The following CLEC19A variants were observed in gnomAD, a reference collection of about 807,000 sequenced individuals.
CLEC19A encodes C-type lectin domain family 19 member A.
CLEC19A carries 21 observed loss-of-function variants against 26.1 expected under a neutral mutation model. The observed-to-expected ratio is 0.80, with a 90% CI of 0.57 to 1.16. CLEC19A has a LOEUF of 1.16. Among genes scored for constraint, CLEC19A ranks in the 50% most tolerant of loss-of-function variants. The pLI is 0.00. For synonymous variants in CLEC19A, 89 were observed against 88.6 expected, an observed-to-expected ratio of 1.00 and a Z score of -0.03; for missense variants, 224 against 227.6, an observed-to-expected ratio of 0.98 and a Z score of 0.10.
In CLEC19A at chr16:19,309,384, C is replaced by T. The variant is rs1049171256; in HGVS notation, c.*301C>T. 1 of 282,476 alleles carries T rather than the reference C, an allele frequency of 3.5e-6. No homozygotes were observed. The highest frequency in any genetic ancestry group is 5.1e-5 in the Admixed American group (1 of 19,752). The allele number at this position is 282,476 out of a possible 1,614,324, so 17.5% of individuals were successfully genotyped here. A position where few individuals can be genotyped will look rare whatever the true frequency, so the allele number is the denominator to read the frequency against. On this transcript the variant is annotated 3_prime_UTR_variant, in exon 5 of 5. Coordinates refer to ENST00000636231, the MANE Select transcript of CLEC19A (RefSeq NM_001256720.2). ...ACTGGCCTGGCTCGGGTCACGTGCC[C>T]ATCCCTGAAGCAATCACTTTGGCAT...
rs929025438 is a variant in CLEC19A, at chr16:19,286,005, G to A, written c.88+66G>A. ...TACACTCTCAGGAACTTATTCTATC[G>A]GTGAGGCCTGGCAGCTTCTGTTGGG... is the stretch of plus-strand genomic sequence containing the variant. On this transcript the variant is annotated intron_variant, in intron 1 of 4. Transcript: ENST00000636231. 118 of 1,456,242 alleles carry A rather than the reference G, an allele frequency of 8.1e-5. No individual in the cohort carries two copies. The South Asian group carries it at 1.0e-3, about 13-fold the overall frequency. The allele number at this position is 1,456,242 out of a possible 1,614,324, so 90.2% of individuals were successfully genotyped here.
chr16:19,305,992 C>T (rs966539230), intron 3 of CLEC19A, among the ~76,000 whole-genome samples: 17 of 151,576 alleles, frequency 1.1e-4, no homozygotes, highest in Admixed American at 5.3e-4. Context: ...TACAGGAAGC[C>T]GCCACCATGC....
At chr16:19,286,778 G>A (rs183672520) in intron 1 of CLEC19A, among the ~76,000 whole-genome samples, 202 of 152,102 alleles carry the variant, frequency 1.3e-3, no homozygotes, top group South Asian at 2.1e-3. Flanking sequence ...TTAAATCCCC[G>A]TTCAAGTAAA....
chr16:19,290,964 G>T (rs983624727), intron 1 of CLEC19A, among the ~76,000 whole-genome samples: 2 of 152,076 alleles, frequency 1.3e-5, no homozygotes, highest in Admixed American at 1.3e-4. Context: ...TCAGTCTCTT[G>T]AGTAGCTGGG....
chr16:19,294,129 T>C lies in CLEC19A; in HGVS notation c.89-4544T>C, dbSNP rs147280899. On this transcript the variant is annotated intron_variant, in intron 1 of 4. Coordinates refer to ENST00000636231, the MANE Select transcript of CLEC19A (RefSeq NM_001256720.2). ...CTGACAACTTTTCTGTAAGTCTAAA[T>C]TTATTCCAAAATAAAAAGTTTATTT... is the stretch of plus-strand genomic sequence containing the variant. Among the ~76,000 whole-genome samples, 73 of 150,562 alleles carry C rather than the reference T, an allele frequency of 4.8e-4. No homozygotes were observed. The East Asian group carries it at 0.013, about 26-fold the overall frequency.
rs879874811 is a variant in CLEC19A at position 19,304,145 on chromosome 16, A to C, written c.338A>C (p.Asp113Ala). ...IPADVWTGLH[D>A]HRQEGQFEWT... ...GCTGACGTCTGGACAGGCCTTCATG[A>C]TCACAGACAGGTGAGAAAGCAGTGG... is the stretch of plus-strand genomic sequence containing the variant. The change falls in exon 3 of 5, where the codon GAT (aspartate) becomes GCT (alanine). Residue 113 changes from aspartate to alanine, a missense_variant. Asp to Ala is a moderately radical substitution (Grantham distance 126). Coordinates refer to ENST00000636231, the MANE Select transcript of CLEC19A (RefSeq NM_001256720.2). The C allele has an allele frequency of 6.4e-7, 1 of 1,550,590 alleles. No individual in the cohort carries two copies. The highest frequency in any genetic ancestry group is 8.7e-7 in the Non-Finnish European group (1 of 1,146,934).
chr16:19,307,733 G>T, intron 4 of CLEC19A, 56 bp downstream of exon 4: 6 of 1,540,928 alleles, frequency 3.9e-6, no homozygotes, highest in Admixed American at 2.0e-5. Context: ...TGTCACAGGT[G>T]GGGAGAGCGG....
chr16:19,301,736 GTTTTTTTTTTTTT>G (rs1171248968), intron 2 of CLEC19A, among the ~76,000 whole-genome samples: 4 of 81,498 alleles, frequency 4.9e-5, no homozygotes, highest in Non-Finnish European at 6.9e-5. Flanking sequence ...GGTTTTTTTG[GTTTTTTTTTTTTT>G]TTTTTTTTTT....
At chr16:19,296,926 G>A (rs1897716612) in intron 1 of CLEC19A, among the ~76,000 whole-genome samples, 1 of 152,126 alleles carries the variant, frequency 6.6e-6, no homozygotes, top group African/African-American at 2.4e-5. Flanking sequence ...CTCACGGCAG[G>A]TCAGATACAG....
At chr16:19,291,289 G>C (rs1351803989) in intron 1 of CLEC19A, among the ~76,000 whole-genome samples, 1 of 152,186 alleles carries the variant, frequency 6.6e-6, no homozygotes, top group African/African-American at 2.4e-5. Flanking sequence ...TTGTTGAATG[G>C]ATAAAGGAAT....
intron 1 of CLEC19A, among the ~76,000 whole-genome samples, chr16:19,294,854 A>G (rs1245279635): frequency 7.6e-6 from 1 of 131,776 alleles, no homozygotes; most frequent in African/African-American, 2.5e-5. Context: ...GTTTGCTGTG[A>G]TGTTTTGTGT....
rs1362403893 is a variant in CLEC19A, at chr16:19,310,223, C to A, written c.*1140C>A. Reference sequence around the variant, plus strand: ...GTGGCTCATGCCTGTAATCCCAGCACTTTGGGAAGCTGAGGAGAGAGGATC... The same window carrying A: ...GTGGCTCATGCCTGTAATCCCAGCAATTTGGGAAGCTGAGGAGAGAGGATC... On this transcript the variant is annotated 3_prime_UTR_variant, in exon 5 of 5. Coordinates refer to ENST00000636231, the MANE Select transcript of CLEC19A (RefSeq NM_001256720.2). 6.6e-6 allele frequency: 1 copy of A among 152,048 alleles called. No homozygotes were observed. The highest frequency in any genetic ancestry group is 2.4e-5 in the African/African-American group (1 of 41,398). The allele number at this position is 152,048 out of a possible 1,614,324, so 9.4% of individuals were successfully genotyped here. A position where few individuals can be genotyped will look rare whatever the true frequency, so the allele number is the denominator to read the frequency against.
At position 19,301,735 on chromosome 16, in the gene CLEC19A, G is replaced by GTTTTTTTTTTTTTTTTT. The variant is rs750529291; in HGVS notation, c.255-2327_255-2326insTTTTTTTTTTTTTTTTT. The stretch of plus-strand genomic sequence containing the variant: ...CATGACACCATGCCCAGGTTTTTTT[G>GTTTTTTTTTTTTTTTTT]GTTTTTTTTTTTTTTTTTTTTTTTT... On this transcript the variant is annotated intron_variant, in intron 2 of 4. Coordinates refer to ENST00000636231, the MANE Select transcript of CLEC19A (RefSeq NM_001256720.2). 5.4e-4 allele frequency among the ~76,000 whole-genome samples: 19 copies of GTTTTTTTTTTTTTTTTT among 35,130 alleles called. 2 individuals carry two copies. Among genetic ancestry groups the GTTTTTTTTTTTTTTTTT allele is most frequent in the Non-Finnish European group, 6.7e-4 (13 of 19,444 alleles). The allele number at this position is 35,130 out of a possible 152,430, so 23.0% of individuals were successfully genotyped here.
chr16:19,309,745 G>T lies in CLEC19A; in HGVS notation c.*662G>T, dbSNP rs8058432. On this transcript the variant is annotated 3_prime_UTR_variant, in exon 5 of 5. Coordinates refer to ENST00000636231, the MANE Select transcript of CLEC19A (RefSeq NM_001256720.2). The stretch of plus-strand genomic sequence containing the variant: ...GGCTCAGGTGATCCTTCCACCTCCA[G>T]TCCCCAGAGTAGGTGGGACTACAGG... The T allele has an allele frequency of 0.14, 21,887 of 151,808 alleles. 1,900 individuals carry two copies. The highest frequency in any genetic ancestry group is 0.33 in the East Asian group (1,679 of 5,130). The allele number at this position is 151,808 out of a possible 1,614,324, so 9.4% of individuals were successfully genotyped here. A position where few individuals can be genotyped will look rare whatever the true frequency, so the allele number is the denominator to read the frequency against.
At chr16:19,305,826 G>GT (rs906787899) in intron 3 of CLEC19A, among the ~76,000 whole-genome samples, 7 of 151,828 alleles carry the variant, frequency 4.6e-5, no homozygotes, top group African/African-American at 4.8e-5. Flanking sequence ...GTTTTTTTGG[G>GT]TTTTTTTGCT....
intron 1 of CLEC19A, among the ~76,000 whole-genome samples, chr16:19,288,723 G>A (rs138903322): frequency 5.8e-4 from 88 of 152,228 alleles, no homozygotes; most frequent in African/African-American, 1.9e-3. Flanking sequence ...CCCAGTAAGA[G>A]CTACGTAAAC....
At chr16:19,293,420 A>G (rs1897632357) in intron 1 of CLEC19A, among the ~76,000 whole-genome samples, 1 of 151,234 alleles carries the variant, frequency 6.6e-6, no homozygotes, top group Non-Finnish European at 1.5e-5. Flanking sequence ...GTATACAGGA[A>G]CTCTCTCCAC....
chr16:19,287,405 C>A (rs946318216), intron 1 of CLEC19A, among the ~76,000 whole-genome samples: 2 of 152,024 alleles, frequency 1.3e-5, no homozygotes, highest in South Asian at 4.2e-4. Context: ...CCAAAGGTCC[C>A]CCCTCCCAAT....
chr16:19,285,977 G>A (rs1397153874), intron 1 of CLEC19A, 38 bp downstream of exon 1: 21 of 1,526,638 alleles, frequency 1.4e-5, no homozygotes, highest in Non-Finnish European at 1.8e-5. Flanking sequence ...AGGTGGAGAG[G>A]AGTACACTCT....
Sources: gnomAD v4.1 joint callset for allele counts (sites outside exome capture counted in the v4.1 genomes callset) on GRCh38, gnomAD v4.1.1 for gene constraint, MANE v1.5 for transcripts, NCBI Gene and HGNC (gene_info 2026-07-23, HGNC 2026-07-21) for gene names.